Variants in LRP1B observed in about 807,000 individuals in gnomAD.
LRP1B encodes LDL receptor related protein 1B, also known as low-density lipoprotein receptor-related protein 1B.
In LRP1B, 217 loss-of-function variants were observed where a neutral mutation model predicts 556.6. The observed-to-expected ratio is 0.39, with a 90% CI of 0.35 to 0.44. The LOEUF is 0.44. Among genes scored for constraint, LRP1B ranks in the 20% least tolerant of loss-of-function variants. The pLI is 1.00. For synonymous variants in LRP1B, 2,047 were observed against 1,865.8 expected (o/e 1.10, Z -2.50); for missense variants, 5,053 against 5,620.8 (o/e 0.90, Z 3.23).
intron 56 of LRP1B, 102 bp downstream of exon 56, chr2:140,495,463 T>C: frequency 9.4e-7 from 1 of 1,067,874 alleles, no homozygotes; most frequent in South Asian, 2.1e-5. Context: ...TTTTGATTTT[T>C]CAGAAGCATC....
intron 18 of LRP1B, among the ~76,000 whole-genome samples, chr2:140,960,382 C>A (rs1377374459): frequency 6.6e-6 from 1 of 151,794 alleles, no homozygotes; most frequent in African/African-American, 2.4e-5. Flanking sequence ...ATGTAAAAAA[C>A]AACATAAAAT....
At chr2:140,834,263 G>T (rs1448483253) in intron 31 of LRP1B, among the ~76,000 whole-genome samples, 1 of 152,020 alleles carries the variant, frequency 6.6e-6, no homozygotes, top group Non-Finnish European at 1.5e-5. Flanking sequence ...TTTTGAGACG[G>T]AGTCGCTCAC....
chr2:140,583,180 T>TTC (rs1558983665), intron 43 of LRP1B, among the ~76,000 whole-genome samples: 4 of 143,444 alleles, frequency 2.8e-5, no homozygotes, highest in Non-Finnish European at 6.1e-5. Context: ...TCTTTTTTTT[T>TTC]TTTTTTTTTT....
At chr2:141,179,667 A>C (rs920373139) in intron 7 of LRP1B, among the ~76,000 whole-genome samples, 2 of 151,952 alleles carry the variant, frequency 1.3e-5, no homozygotes, top group African/African-American at 2.4e-5. Context: ...ATGACAAAAC[A>C]ACCACCACCA....
intron 7 of LRP1B, among the ~76,000 whole-genome samples, chr2:141,152,865 TTTA>T (rs375234793): frequency 1.6e-3 from 238 of 151,654 alleles, no homozygotes; most frequent in African/African-American, 5.2e-3. Flanking sequence ...TTTCCAAAAT[TTTA>T]TTATTATTTT....
intron 35 of LRP1B, among the ~76,000 whole-genome samples, chr2:140,736,734 C>T (rs1187039945): frequency 6.6e-6 from 1 of 152,096 alleles, no homozygotes; most frequent in East Asian, 1.9e-4. Context: ...AATGTTAGAC[C>T]TAAAACCATA....
intron 51 of LRP1B, 46 bp from the exon 52 acceptor site, chr2:140,510,102 T>C: frequency 1.9e-6 from 3 of 1,595,310 alleles, no homozygotes; most frequent in Non-Finnish European, 2.6e-6. Context: ...CTGTGTCCAC[T>C]GGAAAATGTC....
intron 21 of LRP1B, among the ~76,000 whole-genome samples, chr2:140,909,245 T>C (rs1254051805): frequency 3.3e-5 from 5 of 152,184 alleles, no homozygotes; most frequent in Non-Finnish European, 7.3e-5. Flanking sequence ...ATACTAGTTA[T>C]TGACTGACTA....
At chr2:141,384,089 T>C (rs1689742241) in intron 3 of LRP1B, among the ~76,000 whole-genome samples, 1 of 152,208 alleles carries the variant, frequency 6.6e-6, no homozygotes, top group African/African-American at 2.4e-5. Context: ...GTCATCATAC[T>C]GTATACCTTA....
At chr2:141,042,079 A>T (rs1698719219) in intron 11 of LRP1B, among the ~76,000 whole-genome samples, 1 of 152,130 alleles carries the variant, frequency 6.6e-6, no homozygotes. Flanking sequence ...TATTGCTGAG[A>T]CAATGTTCCA....
chr2:141,490,983 C>A (rs4284765), intron 2 of LRP1B, among the ~76,000 whole-genome samples: 17 of 149,310 alleles, frequency 1.1e-4, no homozygotes, highest in Non-Finnish European at 5.9e-5. Context: ...CTTTGCTAGC[C>A]AAGTTGATAT....
intron 6 of LRP1B, among the ~76,000 whole-genome samples, chr2:141,228,054 G>C (rs1683313451): frequency 6.6e-6 from 1 of 152,038 alleles, no homozygotes; most frequent in Non-Finnish European, 1.5e-5. Flanking sequence ...AACCTCCCAA[G>C]TAGCTGGGAT....
chr2:142,015,396 T>C (rs1703088534), intron 1 of LRP1B, among the ~76,000 whole-genome samples: 1 of 152,100 alleles, frequency 6.6e-6, no homozygotes. Flanking sequence ...GACTTAAACA[T>C]AAGACCTAAA....
At chr2:141,408,557 A>C (rs1313096352) in intron 3 of LRP1B, among the ~76,000 whole-genome samples, 1 of 152,162 alleles carries the variant, frequency 6.6e-6, no homozygotes, top group Non-Finnish European at 1.5e-5. Flanking sequence ...AAAACTAAAA[A>C]TATTTCTCTA....
chr2:140,707,023 C>T (rs189863394), intron 37 of LRP1B, among the ~76,000 whole-genome samples: 2 of 152,040 alleles, frequency 1.3e-5, no homozygotes. Context: ...TAAATGTTAT[C>T]CTTATACTCT....
At chr2:140,536,879 GA>G (rs758483976) in intron 45 of LRP1B, among the ~76,000 whole-genome samples, 170 bp from the exon 46 acceptor site, 4 of 151,694 alleles carry the variant, frequency 2.6e-5, no homozygotes, top group Admixed American at 1.3e-4. Flanking sequence ...AAGATCTTAA[GA>G]AATAATTTTT....
chr2:140,440,105 A>G (rs1417711883), intron 66 of LRP1B, among the ~76,000 whole-genome samples: 1 of 152,186 alleles, frequency 6.6e-6, no homozygotes, highest in African/African-American at 2.4e-5. Context: ...TGAAATATCC[A>G]ACTGATAATG....
At chr2:141,406,616 T>G (rs1690651245) in intron 3 of LRP1B, among the ~76,000 whole-genome samples, 1 of 151,938 alleles carries the variant, frequency 6.6e-6, no homozygotes, top group African/African-American at 2.4e-5. Flanking sequence ...ATATTATATG[T>G]GTTTATTTAA....
chr2:141,690,994 C>T (rs192191232), intron 2 of LRP1B, among the ~76,000 whole-genome samples: 13 of 151,730 alleles, frequency 8.6e-5, no homozygotes, highest in East Asian at 2.0e-4. Context: ...TTAATTTCTT[C>T]GGGGGAAGCC....
Sources: gnomAD v4.1 joint callset for allele counts (sites outside exome capture counted in the v4.1 genomes callset) on GRCh38, gnomAD v4.1.1 for gene constraint, MANE v1.5 for transcripts, NCBI Gene and HGNC (gene_info 2026-07-23, HGNC 2026-07-21) for gene names.